The following TEC variants were observed in gnomAD, a reference collection of about 807,000 sequenced individuals.
The protein encoded by TEC is tec protein tyrosine kinase, also known as tyrosine-protein kinase Tec.
In TEC, 72 loss-of-function variants were observed where a neutral mutation model predicts 93.0. The ratio of observed to expected loss-of-function variants is 0.77; its 90% CI spans 0.64 to 0.94. TEC has a LOEUF of 0.94. Among genes scored for constraint, TEC ranks in the 40% least tolerant of loss-of-function variants. TEC has a pLI of 0.00. For missense variants in TEC, 630 were observed against 757.9 expected, an observed-to-expected ratio of 0.83 and a Z score of 1.98; for synonymous variants, 249 against 247.7, an observed-to-expected ratio of 1.01 and a Z score of -0.05.
intron 2 of TEC, among the ~76,000 whole-genome samples, chr4:48,185,149 C>A (rs953654928): frequency 1.3e-5 from 2 of 152,220 alleles, no homozygotes; most frequent in African/African-American, 4.8e-5. Context: ...AATGAAAGTT[C>A]GGGTGAGTCA....
Position 48,138,777 on chromosome 4 carries a change from T to C in TEC, c.1700A>G (p.Glu567Gly). The change falls in exon 17 of 18, where the codon GAA becomes GGA. Residue 567 changes from glutamate to glycine, a missense_variant. Coordinates refer to ENST00000381501, the MANE Select transcript of TEC (RefSeq NM_003215.3). ...EVFTEGRMPF[E>G]KYTNYEVVTM... ...TACCACTTCATAATTGGTGTATTTT[T>C]CAAAAGGCATTCTGCCTTCCGTGAA... 1 of 1,614,118 alleles carries C rather than the reference T, an allele frequency of 6.2e-7. No individual in the cohort carries two copies.
At chr4:48,140,472 T>C (rs1719612457) in intron 15 of TEC, among the ~76,000 whole-genome samples, 1 of 152,224 alleles carries the variant, frequency 6.6e-6, no homozygotes, top group Non-Finnish European at 1.5e-5. Context: ...CCCTGCATCA[T>C]CATTCAGCAC....
intron 1 of TEC, among the ~76,000 whole-genome samples, chr4:48,263,583 G>A (rs183269526): frequency 6.9e-4 from 105 of 152,126 alleles, no homozygotes; most frequent in Admixed American, 2.2e-3. Flanking sequence ...GTGTGGTGGC[G>A]TGCACCTGTA....
intron 6 of TEC, 75 bp downstream of exon 6, chr4:48,168,511 A>C (rs918560841): frequency 3.3e-6 from 5 of 1,513,336 alleles, no homozygotes; most frequent in Non-Finnish European, 4.6e-6. Context: ...TCAGTAAGTC[A>C]CAAACACTAC....
At chr4:48,196,345 CTACT>C (rs1722301907) in intron 2 of TEC, among the ~76,000 whole-genome samples, 1 of 152,190 alleles carries the variant, frequency 6.6e-6, no homozygotes, top group Non-Finnish European at 1.5e-5. Flanking sequence ...CTCAGCTCTG[CTACT>C]TACTCACTGT....
Position 48,212,113 on chromosome 4 carries a change from ATAT to A in TEC, c.138+16361_138+16363del, listed in dbSNP as rs1560410852. Among the ~76,000 whole-genome samples the A allele has an allele frequency of 9.0e-3, 730 of 81,476 alleles. 12 individuals carry two copies. The highest frequency in any genetic ancestry group is 0.026 in the African/African-American group (710 of 27,000). 53.5% of individuals were successfully genotyped at this position (81,476 alleles called of 152,430 possible). A position where few individuals can be genotyped will look rare whatever the true frequency, so the allele number is the denominator to read the frequency against. On this transcript the variant is annotated intron_variant, in intron 2 of 17. Coordinates refer to ENST00000381501, the MANE Select transcript of TEC (RefSeq NM_003215.3). ...GACTCTGTCTCAAAAAAAAAAAAAT[ATAT>A]ATATATATATATATATGTATATAAA...
chr4:48,231,106 G>C (rs1341194083), intron 1 of TEC, among the ~76,000 whole-genome samples: 1 of 152,082 alleles, frequency 6.6e-6, no homozygotes, highest in Non-Finnish European at 1.5e-5. Context: ...TTTTTATTCA[G>C]TTGGTCTGGG....
intron 11 of TEC, among the ~76,000 whole-genome samples, chr4:48,147,342 A>T (rs1479874033): frequency 6.6e-6 from 1 of 152,248 alleles, no homozygotes; most frequent in Non-Finnish European, 1.5e-5. Context: ...AGCATTATTC[A>T]TAAGAGAACA....
chr4:48,241,333 C>T (rs1259949994), intron 1 of TEC, among the ~76,000 whole-genome samples: 1 of 152,040 alleles, frequency 6.6e-6, no homozygotes, highest in Non-Finnish European at 1.5e-5. Flanking sequence ...GTAGAAATGT[C>T]TTGAGACTAG....
At chr4:48,159,847 C>A (rs1439552275) in intron 8 of TEC, among the ~76,000 whole-genome samples, 1 of 152,126 alleles carries the variant, frequency 6.6e-6, no homozygotes, top group African/African-American at 2.4e-5. Flanking sequence ...CAAGCCCAGG[C>A]TCTTTTCAAC....
intron 1 of TEC, among the ~76,000 whole-genome samples, chr4:48,235,619 C>G (rs1164199281): frequency 6.6e-6 from 1 of 152,134 alleles, no homozygotes; most frequent in African/African-American, 2.4e-5. Context: ...GTAGATTTTC[C>G]TAAAAGTAAA....
chr4:48,150,837 T>TAA, intron 10 of TEC, 26 bp downstream of exon 10: 3 of 1,441,978 alleles, frequency 2.1e-6, no homozygotes, highest in East Asian at 2.4e-5. Context: ...CTCTAAATTA[T>TAA]AAAAAAAAAT....
At chr4:48,246,264 A>C (rs998025323) in intron 1 of TEC, among the ~76,000 whole-genome samples, 5 of 152,224 alleles carry the variant, frequency 3.3e-5, no homozygotes, top group African/African-American at 1.2e-4. Flanking sequence ...ACATTGTAGA[A>C]ATAAATTTAA....
In TEC at chr4:48,160,843, G is replaced by C. The variant is rs573091426; in HGVS notation, c.737+2859C>G. Among the ~76,000 whole-genome samples the C allele has an allele frequency of 2.4e-3, 176 of 74,112 alleles. 7 individuals carry two copies. Among genetic ancestry groups the C allele is most frequent in the Non-Finnish European group, 4.3e-3 (146 of 33,880 alleles). 48.6% of individuals were successfully genotyped at this position (74,112 alleles called of 152,430 possible). A position where few individuals can be genotyped will look rare whatever the true frequency, so the allele number is the denominator to read the frequency against. On this transcript the variant is annotated intron_variant, in intron 8 of 17. Coordinates refer to ENST00000381501, the MANE Select transcript of TEC (RefSeq NM_003215.3). ...AGAGAGACAGAGGGAGGGAGGGAGA[G>C]AGGGAGGGAGGAAGGGAGGAAGGAA...
chr4:48,187,595 T>C (rs1399775536), intron 2 of TEC, among the ~76,000 whole-genome samples: 1 of 152,208 alleles, frequency 6.6e-6, no homozygotes, highest in Admixed American at 6.5e-5. Context: ...AGTGATCTTA[T>C]GACCACTTAA....
chr4:48,247,379 A>G (rs1724082794), intron 1 of TEC, among the ~76,000 whole-genome samples: 1 of 152,184 alleles, frequency 6.6e-6, no homozygotes, highest in African/African-American at 2.4e-5. Flanking sequence ...CAGCATTTCC[A>G]CTCCTAGGTA....
chr4:48,214,566 T>G (rs1385891857), intron 2 of TEC, among the ~76,000 whole-genome samples: 1 of 152,174 alleles, frequency 6.6e-6, no homozygotes, highest in African/African-American at 2.4e-5. Context: ...ATAAATTACA[T>G]GAGGACTGGG....
intron 2 of TEC, among the ~76,000 whole-genome samples, chr4:48,207,232 A>G (rs113047281): frequency 1.3e-5 from 2 of 152,288 alleles, no homozygotes; most frequent in African/African-American, 4.8e-5. Context: ...AGGAAAAAAT[A>G]TGGAATGAAG....
At chr4:48,153,381 G>C (rs1252515201) in intron 9 of TEC, 2 of 152,176 alleles carry the variant, frequency 1.3e-5, no homozygotes, top group Non-Finnish European at 2.9e-5. Context: ...CTCCCGGCCA[G>C]GGAATACACT....
Sources: allele counts gnomAD v4.1 joint callset (sites outside exome capture counted in the v4.1 genomes callset), GRCh38; gene constraint gnomAD v4.1.1; transcripts MANE v1.5; gene names NCBI Gene and HGNC (gene_info 2026-07-23, HGNC 2026-07-21).